PXDNL: variants seen among roughly 807,000 people sequenced by gnomAD.
The protein encoded by PXDNL is peroxidasin like, also known as probable oxidoreductase PXDNL.
Under a neutral mutation model 150.8 loss-of-function variants are expected in PXDNL, and 145 were observed. The observed-to-expected ratio is 0.96, with a 90% CI of 0.84 to 1.10. The LOEUF (loss-of-function observed/expected upper bound fraction) is 1.10, where lower values mean the gene tolerates loss of function less well. Ranked by LOEUF, PXDNL falls within the 50% of genes least tolerant of loss-of-function variation. The probability of loss-of-function intolerance (pLI) is 0.00; values close to 1 mark genes in which losing one functional copy is unlikely to be tolerated. For synonymous variants in PXDNL, 757 were observed against 725.7 expected (o/e 1.04, Z -0.69); for missense variants, 2,087 against 1,873.9 (o/e 1.11, Z -2.10).
At chr8:51,785,113 G>C (rs1339882045) in intron 1 of PXDNL, among the ~76,000 whole-genome samples, 1 of 152,054 alleles carries the variant, frequency 6.6e-6, no homozygotes, top group Non-Finnish European at 1.5e-5. Context: ...CATTTTAGAT[G>C]GAACAAGCTG....
chr8:51,456,786 T>G (rs1809946956), intron 9 of PXDNL, among the ~76,000 whole-genome samples: 1 of 152,180 alleles, frequency 6.6e-6, no homozygotes, highest in Non-Finnish European at 1.5e-5. Context: ...GTGAGATTAT[T>G]TATAGAACAG....
chr8:51,501,639 CAT>C (rs1286359405), intron 4 of PXDNL, among the ~76,000 whole-genome samples: 1 of 152,088 alleles, frequency 6.6e-6, no homozygotes, highest in Non-Finnish European at 1.5e-5. Context: ...CACACTGTCT[CAT>C]GTACACTAAC....
At chr8:51,756,179 A>G (rs2037098874) in intron 1 of PXDNL, among the ~76,000 whole-genome samples, 1 of 152,168 alleles carries the variant, frequency 6.6e-6, no homozygotes, top group South Asian at 2.1e-4. Flanking sequence ...AGATCACTTA[A>G]GGTCAGGAGT....
intron 1 of PXDNL, among the ~76,000 whole-genome samples, chr8:51,772,085 T>G (rs2037302269): frequency 6.6e-6 from 1 of 152,052 alleles, no homozygotes; most frequent in Non-Finnish European, 1.5e-5. Context: ...TCTCTCCCTC[T>G]CCTGCTCACC....
intron 1 of PXDNL, among the ~76,000 whole-genome samples, chr8:51,672,242 A>G (rs1275721394): frequency 6.6e-6 from 1 of 152,170 alleles, no homozygotes; most frequent in East Asian, 1.9e-4. Flanking sequence ...TCAGCCTCCC[A>G]AAGTGCTGGG....
chr8:51,419,409 A>C (rs1176536479), intron 14 of PXDNL, among the ~76,000 whole-genome samples: 1 of 152,182 alleles, frequency 6.6e-6, no homozygotes, highest in African/African-American at 2.4e-5. Context: ...TATTGTTTGA[A>C]TTCTATCATG....
chr8:51,414,778 C>A (rs888038536), intron 14 of PXDNL, among the ~76,000 whole-genome samples: 2 of 151,966 alleles, frequency 1.3e-5, no homozygotes, highest in Non-Finnish European at 2.9e-5. Flanking sequence ...CTGTTTCATA[C>A]AAAGAAACGT....
intron 1 of PXDNL, among the ~76,000 whole-genome samples, chr8:51,700,207 A>C (rs1816224613): frequency 6.6e-6 from 1 of 151,402 alleles, no homozygotes; most frequent in South Asian, 2.1e-4. Context: ...CATCACACAC[A>C]TATACACAGA....
intron 2 of PXDNL, among the ~76,000 whole-genome samples, chr8:51,600,327 CTTATATAAATTAT>C (rs1308833922): frequency 8.2e-6 from 1 of 121,746 alleles, no homozygotes; most frequent in East Asian, 2.3e-4. Flanking sequence ...TAAATTATAT[CTTATATAAATTAT>C]ATCGTTTAGA....
At chr8:51,483,992 A>C (rs2130174506) in intron 5 of PXDNL, among the ~76,000 whole-genome samples, 1 of 152,338 alleles carries the variant, frequency 6.6e-6, no homozygotes, top group South Asian at 2.1e-4. Context: ...GAAATACATA[A>C]AAATAAATAT....
chr8:51,350,654 C>T (rs1343753076), intron 19 of PXDNL, among the ~76,000 whole-genome samples: 5 of 151,998 alleles, frequency 3.3e-5, no homozygotes, highest in African/African-American at 1.2e-4. Flanking sequence ...CGCGCCCAGC[C>T]GCAAATGCAG....
At chr8:51,566,932 C>T (rs1812841464) in intron 3 of PXDNL, among the ~76,000 whole-genome samples, 1 of 151,426 alleles carries the variant, frequency 6.6e-6, no homozygotes, top group South Asian at 2.1e-4. Context: ...CAACACTATA[C>T]CTCTAAGGAC....
chr8:51,620,846 T>A (rs1814236808), intron 2 of PXDNL, among the ~76,000 whole-genome samples: 1 of 152,212 alleles, frequency 6.6e-6, no homozygotes. Context: ...ATGCCTGGCC[T>A]TAAATACTTT....
intron 1 of PXDNL, among the ~76,000 whole-genome samples, chr8:51,670,445 G>A (rs894114244): frequency 6.6e-6 from 1 of 152,164 alleles, no homozygotes; most frequent in African/African-American, 2.4e-5. Flanking sequence ...TGTATAGGGT[G>A]TACCCTATTG....
At chr8:51,594,733 T>C (rs1212016897) in intron 2 of PXDNL, among the ~76,000 whole-genome samples, 1 of 152,216 alleles carries the variant, frequency 6.6e-6, no homozygotes, top group Admixed American at 6.5e-5. Flanking sequence ...CAAAGCATTA[T>C]GGTTTCCATC....
chr8:51,331,319 G>A (rs1324158570), intron 21 of PXDNL, among the ~76,000 whole-genome samples: 3 of 152,192 alleles, frequency 2.0e-5, no homozygotes, highest in Non-Finnish European at 4.4e-5. Context: ...GCAGCAGGGA[G>A]GCCCTGGGAG....
At chr8:51,471,621 G>C (rs1810335939) in intron 8 of PXDNL, among the ~76,000 whole-genome samples, 2 of 151,496 alleles carry the variant, frequency 1.3e-5, no homozygotes, top group Admixed American at 1.3e-4. Flanking sequence ...TTTCCTTCTA[G>C]AAATAACACA....
At chr8:51,329,381 C>G (rs1331405057) in intron 21 of PXDNL, among the ~76,000 whole-genome samples, 1 of 152,176 alleles carries the variant, frequency 6.6e-6, no homozygotes, top group South Asian at 2.1e-4. Flanking sequence ...ACAGGAAACA[C>G]TAAACACAGC....
At chr8:51,626,992 C>T (rs6999824) in intron 2 of PXDNL, among the ~76,000 whole-genome samples, 144,772 of 152,316 alleles carry the variant, frequency 0.95, 68,859 homozygotes, top group East Asian at 0.98. Context: ...TATTTTCTCA[C>T]AATAGAGATT....
Sources: gnomAD v4.1 joint callset for allele counts (sites outside exome capture counted in the v4.1 genomes callset) on GRCh38, gnomAD v4.1.1 for gene constraint, MANE v1.5 for transcripts, NCBI Gene and HGNC (gene_info 2026-07-23, HGNC 2026-07-21) for gene names.